The following ARID2 variants were observed in gnomAD, a reference collection of about 807,000 sequenced individuals.
The protein encoded by ARID2 is AT-rich interaction domain 2, also known as AT-rich interactive domain-containing protein 2.
A neutral mutation model predicts 184.6 loss-of-function variants in ARID2; 32 were observed. The ratio of observed to expected loss-of-function variants is 0.17; its 90% CI spans 0.13 to 0.23. The LOEUF is 0.23. ARID2 is among the 10% of genes least tolerant of loss of function. ARID2 has a pLI of 1.00. For synonymous variants in ARID2, 836 were observed against 772.6 expected, an observed-to-expected ratio of 1.08 and a Z score of -1.36; for missense variants, 1,696 against 2,197.6, an observed-to-expected ratio of 0.77 and a Z score of 4.56.
chr12:45,779,808 GTATTTTTC>G (rs1472810067), intron 3 of ARID2, among the ~76,000 whole-genome samples: 1 of 152,010 alleles, frequency 6.6e-6, no homozygotes, highest in East Asian at 1.9e-4. Context: ...ATACTGAGAA[GTATTTTTC>G]TATAGAAAAA....
chr12:45,858,581 A>G (rs981874115), intron 15 of ARID2, among the ~76,000 whole-genome samples: 2 of 152,202 alleles, frequency 1.3e-5, no homozygotes, highest in African/African-American at 4.8e-5. Flanking sequence ...TTCCTCTGAA[A>G]TATGGTTTCC....
At chr12:45,873,327 T>A (rs1943954881) in intron 16 of ARID2, among the ~76,000 whole-genome samples, 1 of 152,236 alleles carries the variant, frequency 6.6e-6, no homozygotes, top group Non-Finnish European at 1.5e-5. Flanking sequence ...TGTATTTAGA[T>A]CATTCTCATT....
intron 6 of ARID2, among the ~76,000 whole-genome samples, chr12:45,827,042 A>G (rs1162203314): frequency 1.3e-5 from 2 of 151,772 alleles, no homozygotes; most frequent in Non-Finnish European, 2.9e-5. Flanking sequence ...GATTGTTTCC[A>G]TTTCTTCTTA....
At chr12:45,862,458 C>T (rs1297824102) in intron 16 of ARID2, among the ~76,000 whole-genome samples, 2 of 152,078 alleles carry the variant, frequency 1.3e-5, no homozygotes, top group Non-Finnish European at 2.9e-5. Flanking sequence ...CAATTTTACT[C>T]TCTCCATTTG....
chr12:45,828,229 A>G (rs1029595224), intron 6 of ARID2, among the ~76,000 whole-genome samples: 2 of 151,518 alleles, frequency 1.3e-5, no homozygotes, highest in Non-Finnish European at 3.0e-5. Flanking sequence ...TCCTTATTCT[A>G]CTTCTCTTTT....
At chr12:45,762,656 T>C (rs2138011629) in intron 3 of ARID2, among the ~76,000 whole-genome samples, 1 of 152,312 alleles carries the variant, frequency 6.6e-6, no homozygotes, top group Middle Eastern at 3.4e-3. Flanking sequence ...AATGTTTATA[T>C]TACCTCAGCG....
At chr12:45,877,379 G>C (rs1452999602) in intron 16 of ARID2, among the ~76,000 whole-genome samples, 1 of 151,876 alleles carries the variant, frequency 6.6e-6, no homozygotes, top group Non-Finnish European at 1.5e-5. Flanking sequence ...AGGGATCTAG[G>C]TTGCATGCTC....
intron 3 of ARID2, among the ~76,000 whole-genome samples, chr12:45,807,826 G>A (rs1363394434): frequency 6.6e-6 from 1 of 152,092 alleles, no homozygotes. Context: ...CAAGTCTTCT[G>A]TAACCTAATT....
chr12:45,814,378 G>A (rs759020000), intron 4 of ARID2, among the ~76,000 whole-genome samples: 9 of 152,124 alleles, frequency 5.9e-5, no homozygotes, highest in South Asian at 2.1e-4. Context: ...GGACGGGCGC[G>A]GTGTCTCACA....
chr12:45,839,600 T>G, intron 11 of ARID2, 104 bp downstream of exon 11: 1 of 1,323,670 alleles, frequency 7.6e-7, no homozygotes, highest in Non-Finnish European at 1.0e-6. Flanking sequence ...TATTTTACAG[T>G]ATAGTAGGCC....
intron 6 of ARID2, among the ~76,000 whole-genome samples, chr12:45,822,823 G>A (rs1369880939): frequency 6.6e-6 from 1 of 152,120 alleles, no homozygotes; most frequent in Non-Finnish European, 1.5e-5. Context: ...GGCCCCAGAT[G>A]TATAAAGCAA....
At chr12:45,818,564 A>C (rs1942845961) in intron 5 of ARID2, among the ~76,000 whole-genome samples, 1 of 152,044 alleles carries the variant, frequency 6.6e-6, no homozygotes. Flanking sequence ...ACTCTCCCCA[A>C]CTCCAACCCC....
In ARID2 at chr12:45,851,090, G is replaced by C. The variant is rs534704777; in HGVS notation, c.2967G>C (p.Ser989=). 3 of 1,613,846 alleles carry C rather than the reference G, an allele frequency of 1.9e-6. No individual in the cohort carries two copies. The East Asian group carries it at 6.7e-5, about 36-fold the overall frequency. Residue 989 remains serine, a synonymous_variant, in exon 15 of 21, where the codon TCG becomes TCC. Transcript: ENST00000334344. The part of the protein sequence containing the change: ...ATNNQVPTAM[S]SSSTPQSQGP... The stretch of plus-strand genomic sequence containing the variant: ...ATAACCAAGTCCCTACTGCCATGTC[G>C]TCGTCCTCTACCCCTCAATCACAGG...
chr12:45,904,022 C>T (rs1944490597), intron 20 of ARID2, among the ~76,000 whole-genome samples: 2 of 152,056 alleles, frequency 1.3e-5, no homozygotes, highest in Non-Finnish European at 2.9e-5. Context: ...TGATTTTTAC[C>T]ATTTTTCTCA....
chr12:45,767,741 G>A (rs1353088722), intron 3 of ARID2, among the ~76,000 whole-genome samples: 1 of 152,206 alleles, frequency 6.6e-6, no homozygotes, highest in Non-Finnish European at 1.5e-5. Context: ...TGGAACTATA[G>A]TTTGTACATC....
chr12:45,855,715 T>A (rs1035433538), intron 15 of ARID2, among the ~76,000 whole-genome samples: 1 of 152,150 alleles, frequency 6.6e-6, no homozygotes, highest in Non-Finnish European at 1.5e-5. Flanking sequence ...CCTTTTAATT[T>A]CTTTCTTTTT....
intron 16 of ARID2, among the ~76,000 whole-genome samples, chr12:45,887,495 A>G (rs1180901528): frequency 6.8e-6 from 1 of 148,124 alleles, no homozygotes; most frequent in Non-Finnish European, 1.5e-5. Context: ...AAGATGCAAA[A>G]GAGGGGATAA....
intron 3 of ARID2, among the ~76,000 whole-genome samples, chr12:45,744,277 C>G (rs1054213733): frequency 6.6e-6 from 1 of 151,938 alleles, no homozygotes; most frequent in African/African-American, 2.4e-5. Context: ...TTTAGTAATC[C>G]TGTGATATAT....
At chr12:45,750,079 C>G (rs1282956898) in intron 3 of ARID2, among the ~76,000 whole-genome samples, 1 of 152,214 alleles carries the variant, frequency 6.6e-6, no homozygotes, top group African/African-American at 2.4e-5. Context: ...CATATCTTGG[C>G]TTTTGAAATA....
Sources: gnomAD v4.1 joint callset for allele counts (sites outside exome capture counted in the v4.1 genomes callset) on GRCh38, gnomAD v4.1.1 for gene constraint, MANE v1.5 for transcripts, NCBI Gene and HGNC (gene_info 2026-07-23, HGNC 2026-07-21) for gene names.